Variants in ARL14EP observed in about 807,000 individuals in gnomAD.
ARL14EP encodes the protein ARF like GTPase 14 effector protein.
In ARL14EP, 12 loss-of-function variants were observed where a neutral mutation model predicts 23.1. The ratio of observed to expected loss-of-function variants is 0.52; its 90% confidence interval spans 0.33 to 0.84. ARL14EP has a LOEUF of 0.84. Ranked by LOEUF, ARL14EP falls within the 40% of genes least tolerant of loss-of-function variation. The probability of loss-of-function intolerance (pLI) is 0.02; values close to 1 mark genes in which losing one functional copy is unlikely to be tolerated. For missense variants in ARL14EP, 253 were observed against 307.3 expected (o/e 0.82, Z 1.32); for synonymous variants, 97 against 102.0 (o/e 0.95, Z 0.29).
chr11:30,334,890 A>G (rs922385944), intron 3 of ARL14EP, among the ~76,000 whole-genome samples: 1 of 152,224 alleles, frequency 6.6e-6, no homozygotes, highest in Non-Finnish European at 1.5e-5. Flanking sequence ...GTCCCAGGAG[A>G]TAAATGTTTC....
chr11:30,335,149 G>T (rs1947321672), intron 3 of ARL14EP, among the ~76,000 whole-genome samples: 1 of 152,200 alleles, frequency 6.6e-6, no homozygotes, highest in Non-Finnish European at 1.5e-5. Flanking sequence ...GGAGGAAGTA[G>T]TTGCAGACGT....
At chr11:30,333,141 T>C in intron 3 of ARL14EP, 148 bp downstream of exon 3, 3 of 1,087,456 alleles carry the variant, frequency 2.8e-6, no homozygotes, top group Middle Eastern at 2.1e-4. Flanking sequence ...GCCTTTGTTT[T>C]TATTCATATA....
chr11:30,337,834 T>C lies in ARL14EP; in HGVS notation c.*1039T>C, dbSNP rs182990819. ...AAAGGCAAGCCCTATTCAAACTACT[T>C]TGTTTTTACAATGAAATAAAACACT... On this transcript the variant is annotated 3_prime_UTR_variant, in exon 4 of 4. Coordinates refer to ENST00000282032, the MANE Select transcript of ARL14EP (RefSeq NM_152316.3). 1 of 152,372 alleles carries C rather than the reference T, an allele frequency of 6.6e-6. No individual in the cohort carries two copies. The highest frequency in any genetic ancestry group is 1.9e-4 in the East Asian group (1 of 5,188). 9.4% of individuals were successfully genotyped at this position (152,372 alleles called of 1,614,324 possible).
At chr11:30,336,206 A>C (rs1590671304) in intron 3 of ARL14EP, among the ~76,000 whole-genome samples, 1 of 152,258 alleles carries the variant, frequency 6.6e-6, no homozygotes, top group Non-Finnish European at 1.5e-5. Context: ...GTGGTATACT[A>C]TAATAAAAAT....
chr11:30,327,802 C>CAAAAA (rs369601355), intron 1 of ARL14EP, among the ~76,000 whole-genome samples: 1 of 115,344 alleles, frequency 8.7e-6, no homozygotes, highest in Non-Finnish European at 1.8e-5. Flanking sequence ...ACTAAAAATA[C>CAAAAA]AAAAAAAAAA....
chr11:30,328,128 G>A (rs948238649), intron 1 of ARL14EP: 35 of 148,610 alleles, frequency 2.4e-4, no homozygotes, highest in African/African-American at 7.7e-4. Flanking sequence ...TCTGTTTGAA[G>A]AAAAAAAAAA....
Position 30,331,284 on chromosome 11 carries a change from T to C in ARL14EP, c.336T>C (p.Gly112=). 1 of 1,613,986 alleles carries C rather than the reference T, an allele frequency of 6.2e-7. No individual in the cohort carries two copies. Among genetic ancestry groups the C allele is most frequent in the South Asian group, 1.1e-5 (1 of 91,088 alleles). ...SAKFGRQLVP[G]WKLCPKCTQI... is the part of the protein sequence containing the mutation. ...AATTTGGAAGACAGCTTGTACCTGG[T>C]TGGAAGCTTTGTCCAAAATGCACAC... Residue 112 remains glycine, a synonymous_variant, in exon 2 of 4, where the codon GGT becomes GGC. Transcript: ENST00000282032.
intron 1 of ARL14EP, among the ~76,000 whole-genome samples, chr11:30,324,041 A>G (rs1432526468): frequency 1.3e-5 from 2 of 152,140 alleles, no homozygotes; most frequent in African/African-American, 4.8e-5. Context: ...CTTTGGGCCA[A>G]TTGTCATGTT....
chr11:30,331,588 T>C, intron 2 of ARL14EP: 1 of 1,408,022 alleles, frequency 7.1e-7, no homozygotes, highest in South Asian at 1.6e-5. Flanking sequence ...AAAGTAATAA[T>C]AAAATATGCC....
At chr11:30,327,817 AAAG>A (rs1358151829) in intron 1 of ARL14EP, among the ~76,000 whole-genome samples, 2 of 150,778 alleles carry the variant, frequency 1.3e-5, no homozygotes, top group East Asian at 2.0e-4. Context: ...AAAAAAAAAA[AAAG>A]CAAAATTTAG....
intron 3 of ARL14EP, among the ~76,000 whole-genome samples, chr11:30,333,285 A>G (rs111664350): frequency 1.3e-5 from 2 of 152,174 alleles, no homozygotes; most frequent in Non-Finnish European, 1.5e-5. Context: ...CATTGTTATT[A>G]TATATATACG....
intron 1 of ARL14EP, chr11:30,329,446 C>T (rs548648079): frequency 6.6e-6 from 1 of 152,152 alleles, no homozygotes; most frequent in African/African-American, 2.4e-5. Context: ...TATTTTTCTC[C>T]ATCTGACACC....
intron 3 of ARL14EP, 33 bp from the exon 4 acceptor site, chr11:30,336,534 A>G (rs7927482): frequency 4.7e-6 from 7 of 1,494,516 alleles, no homozygotes; most frequent in South Asian, 1.1e-5. Context: ...TAACATATTT[A>G]TGAGGTATAA....
At position 30,336,883 on chromosome 11, in the gene ARL14EP, T is replaced by C. The variant is rs1476382587; in HGVS notation, c.*88T>C. On this transcript the variant is annotated 3_prime_UTR_variant, in exon 4 of 4. Coordinates refer to ENST00000282032, the MANE Select transcript of ARL14EP (RefSeq NM_152316.3). ...ATACATTTTAAGCTTGATTATCATATGACAAAGATTTTAAAACCATCTCAG... is the reference window on the plus strand; with the variant it reads ...ATACATTTTAAGCTTGATTATCATACGACAAAGATTTTAAAACCATCTCAG... 22 of 1,244,216 alleles carry C rather than the reference T, an allele frequency of 1.8e-5. No individual in the cohort carries two copies. Among genetic ancestry groups the C allele is most frequent in the Non-Finnish European group, 2.3e-5 (20 of 867,284 alleles). The allele number at this position is 1,244,216 out of a possible 1,614,324, so 77.1% of individuals were successfully genotyped here. A position where few individuals can be genotyped will look rare whatever the true frequency, so the allele number is the denominator to read the frequency against.
At chr11:30,326,813 TGTGTGC>T (rs1947238177) in intron 1 of ARL14EP, among the ~76,000 whole-genome samples, 1 of 65,440 alleles carries the variant, frequency 1.5e-5, no homozygotes, top group African/African-American at 8.1e-5. Context: ...TTGACTCAGG[TGTGTGC>T]AGTTTTACTC....
intron 1 of ARL14EP, among the ~76,000 whole-genome samples, chr11:30,326,041 T>G (rs1278329273): frequency 3.9e-5 from 6 of 152,188 alleles, no homozygotes; most frequent in South Asian, 2.1e-4. Flanking sequence ...TCTCTGTCCT[T>G]AGTGTATCGA....
At chr11:30,324,470 A>G (rs900180698) in intron 1 of ARL14EP, among the ~76,000 whole-genome samples, 1 of 152,188 alleles carries the variant, frequency 6.6e-6, no homozygotes, top group Non-Finnish European at 1.5e-5. Context: ...AAATTTAGGA[A>G]GAAAAAGTGA....
At chr11:30,331,628 A>G in intron 2 of ARL14EP, 4 of 1,336,336 alleles carry the variant, frequency 3.0e-6, no homozygotes, top group Non-Finnish European at 3.8e-6. Flanking sequence ...TTTTAGTGCG[A>G]AGACTTTAGG....
Position 30,331,224 on chromosome 11 carries a change from A to G in ARL14EP, c.276A>G (p.Val92=), listed in dbSNP as rs988856430. The change falls in exon 2 of 4, where the codon GTA becomes GTG. Residue 92 remains valine, a synonymous_variant. Coordinates refer to ENST00000282032, the MANE Select transcript of ARL14EP (RefSeq NM_152316.3). ...AATTAGCCAAAAAAAATTTGCATGT[A>G]ATTGACTTAGATGATGCCACTTTTC... The part of the protein sequence containing the change: ...HKKLAKKNLH[V]IDLDDATFLS... The G allele has an allele frequency of 1.1e-5, 17 of 1,614,004 alleles. No homozygotes were observed. In the African/African-American group the frequency reaches 1.6e-4, roughly 15 times the overall value.
Sources: allele counts gnomAD v4.1 joint callset (sites outside exome capture counted in the v4.1 genomes callset), GRCh38; gene constraint gnomAD v4.1.1; transcripts MANE v1.5; gene names NCBI Gene and HGNC (gene_info 2026-07-23, HGNC 2026-07-21).